The following PCNX1 variants were observed in gnomAD, a reference collection of about 807,000 sequenced individuals.
PCNX1 encodes pecanex-like protein 1.
PCNX1 carries 78 observed loss-of-function variants against 242.2 expected under a neutral mutation model. The ratio of observed to expected loss-of-function variants is 0.32; its 90% confidence interval spans 0.27 to 0.39. The LOEUF is 0.39. PCNX1 is among the 10% of genes least tolerant of loss of function. The pLI, the probability that PCNX1 is intolerant of heterozygous loss-of-function variation, is 1.00. For synonymous variants in PCNX1, 1,024 were observed against 1,032.9 expected (o/e 0.99, Z 0.17); for missense variants, 2,581 against 2,856.5 (o/e 0.90, Z 2.20).
intron 2 of PCNX1, among the ~76,000 whole-genome samples, chr14:70,958,320 A>T (rs2058068903): frequency 6.6e-6 from 1 of 152,228 alleles, no homozygotes; most frequent in Non-Finnish European, 1.5e-5. Context: ...GGGACATTAT[A>T]ATTATGAGAT....
At chr14:71,045,101 C>T in intron 19 of PCNX1, 32 bp from the exon 20 acceptor site, 1 of 1,478,182 alleles carries the variant, frequency 6.8e-7, no homozygotes, top group Non-Finnish European at 9.1e-7. Context: ...CAAAATCACT[C>T]CTAATTTTAT....
intron 7 of PCNX1, among the ~76,000 whole-genome samples, chr14:70,991,456 G>T (rs2059164662): frequency 6.6e-6 from 1 of 152,046 alleles, no homozygotes; most frequent in South Asian, 2.1e-4. Context: ...CACCCGCCTT[G>T]GCCTTTCAAA....
intron 28 of PCNX1, among the ~76,000 whole-genome samples, chr14:71,084,618 A>G (rs12101246): frequency 0.37 from 56,164 of 151,962 alleles, 10,642 homozygotes; most frequent in East Asian, 0.62. Flanking sequence ...TGCCTGGTTC[A>G]AACTTCCTGG....
intron 5 of PCNX1, among the ~76,000 whole-genome samples, chr14:70,970,415 G>T (rs2058507342): frequency 6.6e-6 from 1 of 152,052 alleles, no homozygotes; most frequent in Non-Finnish European, 1.5e-5. Context: ...ATTTCTTTGA[G>T]AATTATAATA....
chr14:70,962,750 A>G (rs991352242), intron 3 of PCNX1, among the ~76,000 whole-genome samples: 2 of 152,242 alleles, frequency 1.3e-5, no homozygotes, highest in East Asian at 3.8e-4. Flanking sequence ...GTAAAATACA[A>G]ATTTGCTTTT....
intron 1 of PCNX1, among the ~76,000 whole-genome samples, chr14:70,926,644 A>C (rs951667495): frequency 2.0e-5 from 3 of 152,110 alleles, no homozygotes; most frequent in African/African-American, 7.2e-5. Context: ...GTCTGGCTTT[A>C]AGTGTCAACG....
rs566036233 is a variant in PCNX1 at position 71,068,402 on chromosome 14, G to GTA, written c.4853-5135_4853-5134dup. Among the ~76,000 whole-genome samples, 44 of 148,270 alleles carry GTA rather than the reference G, an allele frequency of 3.0e-4. No individual in the cohort carries two copies. The East Asian group carries it at 6.9e-3, about 23-fold the overall frequency. ...TATATGTGTGTATATTTATGTATAC[G>GTA]TATATATATGTATTTATATGTATAT... On this transcript the variant is annotated intron_variant, in intron 26 of 35. Transcript: ENST00000304743.
intron 7 of PCNX1, among the ~76,000 whole-genome samples, chr14:70,994,394 AAGATATATATATATATAT>A (rs1406929732): frequency 2.2e-5 from 1 of 44,742 alleles, no homozygotes; most frequent in African/African-American, 9.2e-5. Flanking sequence ...CCACAGGCTT[AAGATATATATATATATAT>A]ATATATATAT....
chr14:71,096,768 CA>C (rs2062296180), intron 30 of PCNX1, among the ~76,000 whole-genome samples: 1 of 151,996 alleles, frequency 6.6e-6, no homozygotes. Context: ...GGTTAGAGTC[CA>C]AGATTCTTGT....
In PCNX1 at chr14:71,076,236, A is replaced by G. The variant is rs2061715822; in HGVS notation, c.5154A>G (p.Leu1718=). The part of the protein sequence containing the change: ...VTTSSKLEEW[L]ANETMQEGLR... ...CCTCGTCTAAGCTAGAGGAGTGGCT[A>G]GCTAATGAGACAATGCAGGAAGGAC... The change falls in exon 28 of 36, where the codon CTA becomes CTG. Residue 1718 remains leucine (L), a synonymous_variant. Coordinates refer to ENST00000304743, the MANE Select transcript of PCNX1 (RefSeq NM_014982.3). The G allele has an allele frequency of 6.2e-7, 1 of 1,613,662 alleles. No homozygotes were observed.
intron 8 of PCNX1, among the ~76,000 whole-genome samples, chr14:71,005,946 A>G (rs1200034288): frequency 2.7e-5 from 4 of 146,558 alleles, no homozygotes; most frequent in African/African-American, 1.0e-4. Context: ...TTTTTGAGAC[A>G]GGGTCTCACT....
intron 29 of PCNX1, 66 bp downstream of exon 29, chr14:71,088,496 ATT>A (rs2062049576): frequency 1.1e-6 from 1 of 916,596 alleles, no homozygotes; most frequent in African/African-American, 1.6e-5. Context: ...ATCTAAAATG[ATT>A]TTTCATGGAC....
chr14:71,011,518 C>A lies in PCNX1; in HGVS notation c.2747C>A (p.Ser916Tyr). 3 of 1,574,652 alleles carry A rather than the reference C, an allele frequency of 1.9e-6. No homozygotes were observed. Among genetic ancestry groups the A allele is most frequent in the Non-Finnish European group, 2.6e-6 (3 of 1,146,264 alleles). ...GACACAGATTCTCATGTATCCAGTT[C>A]TACCTCAGTTCGATTTTATCCACAT... Reference protein sequence around the residue: ...ICDTDSHVSSSTSVRFYPHDV... With the variant: ...ICDTDSHVSSYTSVRFYPHDV... Residue 916 changes from serine (S) to tyrosine (Y), a missense_variant, in exon 10 of 36, where the codon TCT (serine) becomes TAT (tyrosine). Physicochemically the swap from Ser to Tyr is moderately radical, Grantham distance 144. Around this residue, in one of 9 missense-constraint regions of PCNX1, gnomAD observed 1,204 missense variants for 1,216.7 expected, o/e 0.99. Transcript: ENST00000304743.
intron 8 of PCNX1, among the ~76,000 whole-genome samples, chr14:70,996,181 AC>A (rs2059346063): frequency 6.6e-6 from 1 of 152,054 alleles, no homozygotes; most frequent in Non-Finnish European, 1.5e-5. Context: ...ATATATGTTC[AC>A]ACTCAATTCT....
chr14:70,948,842 T>G (rs902489801), intron 2 of PCNX1, among the ~76,000 whole-genome samples: 1 of 138,502 alleles, frequency 7.2e-6, no homozygotes, highest in South Asian at 2.2e-4. Context: ...ATAAATAAAA[T>G]GTATGTGTGT....
At chr14:70,942,283 A>G (rs1033344588) in intron 1 of PCNX1, among the ~76,000 whole-genome samples, 6 of 152,226 alleles carry the variant, frequency 3.9e-5, no homozygotes, top group African/African-American at 1.4e-4. Flanking sequence ...TCAACTCTTT[A>G]CAGGTCTAAC....
chr14:71,079,954 T>C (rs926003188), intron 28 of PCNX1, among the ~76,000 whole-genome samples: 7 of 152,234 alleles, frequency 4.6e-5, no homozygotes, highest in African/African-American at 1.4e-4. Context: ...CCTATGCCTA[T>C]GTCCTGAATG....
chr14:70,995,447 C>G (rs958515940), intron 7 of PCNX1, among the ~76,000 whole-genome samples: 2 of 152,086 alleles, frequency 1.3e-5, no homozygotes, highest in Non-Finnish European at 2.9e-5. Flanking sequence ...TTGCTGCTTT[C>G]TTTTTCCTCA....
chr14:70,916,985 G>A (rs1047545839), intron 1 of PCNX1, among the ~76,000 whole-genome samples: 7 of 152,094 alleles, frequency 4.6e-5, no homozygotes, highest in Non-Finnish European at 8.8e-5. Flanking sequence ...TGTTCACAGC[G>A]TCTTCGCCAG....
Sources: allele counts gnomAD v4.1 joint callset (sites outside exome capture counted in the v4.1 genomes callset), GRCh38; gene constraint gnomAD v4.1.1; regional missense constraint gnomAD v4.1.1; transcripts MANE v1.5; gene names NCBI Gene and HGNC (gene_info 2026-07-23, HGNC 2026-07-21).